NTRK2: variants seen among roughly 807,000 people sequenced by gnomAD.
NTRK2 encodes the protein BDNF/NT-3 growth factors receptor.
In NTRK2, 13 loss-of-function variants were observed where a neutral mutation model predicts 94.5. That is an observed-to-expected ratio of 0.14 (90% CI 0.09 to 0.22). NTRK2 has a LOEUF of 0.22. NTRK2 is among the 10% of genes least tolerant of loss of function. The pLI is 1.00. For synonymous variants in NTRK2, 372 were observed against 407.4 expected (o/e 0.91, Z 1.05); for missense variants, 639 against 1,071.2 (o/e 0.60, Z 5.63).
At chr9:84,971,384 G>A (rs968191638) in intron 17 of NTRK2, among the ~76,000 whole-genome samples, 1 of 152,140 alleles carries the variant, frequency 6.6e-6, no homozygotes, top group Non-Finnish European at 1.5e-5. Flanking sequence ...AAATGGCATG[G>A]AACAAACATT....
chr9:84,916,748 A>G (rs912788546), intron 14 of NTRK2, among the ~76,000 whole-genome samples: 1 of 152,188 alleles, frequency 6.6e-6, no homozygotes, highest in Non-Finnish European at 1.5e-5. Context: ...CAAGTGGCAG[A>G]GAAAAAAAAA....
intron 17 of NTRK2, 57 bp downstream of exon 17, chr9:84,955,574 C>G: frequency 3.5e-6 from 5 of 1,409,650 alleles, no homozygotes; most frequent in Non-Finnish European, 5.0e-6. Context: ...GGGACCCCTG[C>G]TGTATTTGTT....
chr9:84,877,649 A>G, intron 14 of NTRK2: 1 of 1,064,652 alleles, frequency 9.4e-7, no homozygotes, highest in Non-Finnish European at 1.1e-6. Flanking sequence ...TGATTGCTAA[A>G]TGTTGCCTAA....
chr9:84,819,816 T>G (rs1301361776), intron 12 of NTRK2, among the ~76,000 whole-genome samples: 1 of 152,186 alleles, frequency 6.6e-6, no homozygotes, highest in Non-Finnish European at 1.5e-5. Context: ...GGTAAGGGCT[T>G]CCCACTGTTG....
At chr9:84,778,807 C>G (rs1292074305) in intron 12 of NTRK2, among the ~76,000 whole-genome samples, 1 of 152,212 alleles carries the variant, frequency 6.6e-6, no homozygotes, top group Non-Finnish European at 1.5e-5. Flanking sequence ...GTGCAATGTC[C>G]CTATCTTCTG....
intron 14 of NTRK2, among the ~76,000 whole-genome samples, chr9:84,885,372 T>G (rs1214134001): frequency 6.6e-6 from 1 of 152,208 alleles, no homozygotes. Flanking sequence ...CGTGTTTTTT[T>G]GAAGAATGGC....
At chr9:84,737,813 G>A (rs1019923709) in intron 9 of NTRK2, among the ~76,000 whole-genome samples, 4 of 150,974 alleles carry the variant, frequency 2.6e-5, no homozygotes, top group African/African-American at 9.9e-5. Context: ...TCCATCTTCA[G>A]TAGTCCCACT....
At chr9:84,769,408 A>G (rs1249921618) in intron 12 of NTRK2, among the ~76,000 whole-genome samples, 1 of 152,192 alleles carries the variant, frequency 6.6e-6, no homozygotes. Flanking sequence ...GTTAAGCCAG[A>G]TTTCCTTTCT....
intron 14 of NTRK2, among the ~76,000 whole-genome samples, chr9:84,907,790 C>T (rs896995147): frequency 1.3e-5 from 2 of 150,458 alleles, no homozygotes; most frequent in African/African-American, 2.5e-5. Context: ...TCCTATGTTG[C>T]CTTTTGCTTT....
intron 12 of NTRK2, among the ~76,000 whole-genome samples, chr9:84,766,881 A>T (rs888910949): frequency 6.6e-6 from 1 of 152,156 alleles, no homozygotes; most frequent in Non-Finnish European, 1.5e-5. Context: ...CGACACACAC[A>T]TACACACAAG....
intron 12 of NTRK2, among the ~76,000 whole-genome samples, chr9:84,798,520 C>T (rs941516405): frequency 1.3e-5 from 2 of 152,192 alleles, no homozygotes; most frequent in Non-Finnish European, 2.9e-5. Flanking sequence ...TTGGCTGGCC[C>T]TGTGCCCTGG....
chr9:84,753,352 G>A (rs917482102), intron 12 of NTRK2, among the ~76,000 whole-genome samples: 2 of 152,082 alleles, frequency 1.3e-5, no homozygotes, highest in Admixed American at 6.5e-5. Flanking sequence ...AACTCCTATA[G>A]GACTTGAGAA....
intron 12 of NTRK2, among the ~76,000 whole-genome samples, chr9:84,854,873 G>GT: frequency 7.2e-6 from 1 of 138,576 alleles, no homozygotes; most frequent in Non-Finnish European, 1.5e-5. Context: ...CTTAAACCCA[G>GT]GAGGCAGAAA....
At chr9:84,673,361 T>C (rs2058822405) in intron 2 of NTRK2, among the ~76,000 whole-genome samples, 1 of 152,242 alleles carries the variant, frequency 6.6e-6, no homozygotes, top group South Asian at 2.1e-4. Context: ...GTCCAGTGGA[T>C]ACCAGCTACA....
chr9:84,777,103 G>A (rs1257384135), intron 12 of NTRK2, among the ~76,000 whole-genome samples: 3 of 152,136 alleles, frequency 2.0e-5, no homozygotes, highest in Non-Finnish European at 4.4e-5. Context: ...GAAACTTTGA[G>A]GGGAAACTTC....
chr9:84,849,846 A>G (rs1402834989), intron 12 of NTRK2, among the ~76,000 whole-genome samples: 2 of 152,216 alleles, frequency 1.3e-5, no homozygotes, highest in Non-Finnish European at 2.9e-5. Context: ...TCCTATTTAT[A>G]AAACCTTTCA....
chr9:84,768,181 A>G lies in NTRK2; in HGVS notation c.1396+16096A>G, dbSNP rs184265028. Among the ~76,000 whole-genome samples the G allele has an allele frequency of 3.3e-5, 5 of 152,340 alleles. No homozygotes were observed. The East Asian group carries it at 9.6e-4, about 29-fold the overall frequency. The stretch of plus-strand genomic sequence containing the variant: ...TTCAACAATTTTCAATTACAAAACA[A>G]TGCAAGGAAAAACAGAAAAGAAGTC... On this transcript the variant is annotated intron_variant, in intron 12 of 18. Transcript: ENST00000277120.
chr9:84,801,910 A>G (rs1187280), intron 12 of NTRK2, among the ~76,000 whole-genome samples: 127,954 of 152,248 alleles, frequency 0.84, 53,929 homozygotes, highest in East Asian at 0.91. Flanking sequence ...TTTCATCTAT[A>G]TGACATTTTA....
At chr9:84,775,424 T>G (rs960561026) in intron 12 of NTRK2, among the ~76,000 whole-genome samples, 22 of 152,232 alleles carry the variant, frequency 1.4e-4, no homozygotes, top group Admixed American at 1.2e-3. Flanking sequence ...CAGCATTTGC[T>G]TAGCCAGAGA....
Sources: allele counts gnomAD v4.1 joint callset (sites outside exome capture counted in the v4.1 genomes callset), GRCh38; gene constraint gnomAD v4.1.1; transcripts MANE v1.5; gene names NCBI Gene and HGNC (gene_info 2026-07-23, HGNC 2026-07-21).